Variants in DPY19L3 observed in about 807,000 individuals in gnomAD.
The protein encoded by DPY19L3 is dpy-19 like C-mannosyltransferase 3.
Under a neutral mutation model 92.3 loss-of-function variants are expected in DPY19L3, and 51 were observed. That is an observed-to-expected ratio of 0.55 (90% CI 0.44 to 0.70). DPY19L3 has a LOEUF of 0.70. DPY19L3 is among the 30% of genes least tolerant of loss of function. The pLI is 0.00. For missense variants in DPY19L3, 706 were observed against 855.9 expected, an observed-to-expected ratio of 0.82 and a Z score of 2.18; for synonymous variants, 309 against 315.2, an observed-to-expected ratio of 0.98 and a Z score of 0.21.
At chr19:32,477,188 T>C (rs1460050720) in intron 16 of DPY19L3, among the ~76,000 whole-genome samples, 2 of 152,120 alleles carry the variant, frequency 1.3e-5, no homozygotes, top group East Asian at 3.9e-4. Flanking sequence ...GACAATTCCT[T>C]ATAAAAGTAA....
intron 8 of DPY19L3, among the ~76,000 whole-genome samples, chr19:32,443,477 TGTTTCACCC>T (rs1346145584): frequency 1.3e-5 from 2 of 152,240 alleles, no homozygotes; most frequent in East Asian, 3.9e-4. Context: ...ACAAGGGAGC[TGTTTCACCC>T]CTTTCACCAT....
intron 12 of DPY19L3, 96 bp downstream of exon 12, chr19:32,458,605 A>G: frequency 1.6e-6 from 2 of 1,259,170 alleles, no homozygotes; most frequent in Non-Finnish European, 1.1e-6. Context: ...ATCAGACACA[A>G]GTAATAGTAT....
intron 16 of DPY19L3, among the ~76,000 whole-genome samples, chr19:32,476,927 T>A (rs1033148359): frequency 6.6e-6 from 1 of 152,312 alleles, no homozygotes. Flanking sequence ...TGGTGGTATC[T>A]GTGATTTTTT....
chr19:32,467,581 C>T (rs749876244), intron 15 of DPY19L3: 23 of 987,360 alleles, frequency 2.3e-5, no homozygotes, highest in Non-Finnish European at 2.7e-5. Context: ...GATGAGATGA[C>T]CAAAAAAACA....
intron 15 of DPY19L3, 30 bp downstream of exon 15, chr19:32,464,814 T>G: frequency 7.1e-7 from 1 of 1,415,608 alleles, no homozygotes; most frequent in Non-Finnish European, 9.6e-7. Context: ...TTCTTGTCAT[T>G]CATGTATTTA....
intron 3 of DPY19L3, among the ~76,000 whole-genome samples, chr19:32,423,785 C>T (rs901639683): frequency 2.6e-5 from 4 of 151,986 alleles, no homozygotes; most frequent in Admixed American, 1.3e-4. Flanking sequence ...GAGGCCAAGG[C>T]GGCAGGATCG....
At chr19:32,434,743 G>T (rs1308243710) in intron 4 of DPY19L3, among the ~76,000 whole-genome samples, 1 of 152,216 alleles carries the variant, frequency 6.6e-6, no homozygotes. Flanking sequence ...CACAATTCAG[G>T]AGGCTGGAAG....
chr19:32,454,544 A>C (rs975072478), intron 9 of DPY19L3, among the ~76,000 whole-genome samples: 10 of 152,316 alleles, frequency 6.6e-5, no homozygotes, highest in African/African-American at 2.2e-4. Flanking sequence ...GCTGCCCTCC[A>C]GCCTGGGCAG....
At position 32,483,648 on chromosome 19, in the gene DPY19L3, A is replaced by G. The variant is rs1970730704; in HGVS notation, c.*1408A>G. 2 of 152,250 alleles carry G rather than the reference A, an allele frequency of 1.3e-5. No homozygotes were observed. Among genetic ancestry groups the G allele is most frequent in the African/African-American group, 4.8e-5 (2 of 41,462 alleles). The allele number at this position is 152,250 out of a possible 1,614,324, so 9.4% of individuals were successfully genotyped here. A position where few individuals can be genotyped will look rare whatever the true frequency, so the allele number is the denominator to read the frequency against. ...AAGCAGCATTCAAAAAGTCTTTTAC[A>G]CTGTCATGTTGGACACAAGCAGACT... On this transcript the variant is annotated 3_prime_UTR_variant, in exon 19 of 19. Coordinates refer to ENST00000392250, the MANE Select transcript of DPY19L3 (RefSeq NM_001172774.2).
intron 3 of DPY19L3, among the ~76,000 whole-genome samples, chr19:32,424,470 C>CAA: frequency 6.9e-6 from 1 of 144,976 alleles, no homozygotes; most frequent in South Asian, 2.2e-4. Flanking sequence ...ACTAAAAATA[C>CAA]AAAAAAAAAA....
chr19:32,417,854 C>T (rs1364601992), intron 3 of DPY19L3, among the ~76,000 whole-genome samples: 1 of 152,090 alleles, frequency 6.6e-6, no homozygotes, highest in Non-Finnish European at 1.5e-5. Flanking sequence ...TAACCAGGGA[C>T]AGAGGTCAGC....
At chr19:32,448,743 C>G (rs1207692832) in intron 8 of DPY19L3, among the ~76,000 whole-genome samples, 3 of 152,052 alleles carry the variant, frequency 2.0e-5, no homozygotes, top group Non-Finnish European at 4.4e-5. Context: ...AGAAGAAAAT[C>G]TATGTATAAT....
intron 8 of DPY19L3, among the ~76,000 whole-genome samples, chr19:32,448,962 C>A (rs963288291): frequency 6.6e-6 from 1 of 152,156 alleles, no homozygotes; most frequent in Non-Finnish European, 1.5e-5. Flanking sequence ...TGTTGTTACA[C>A]AAACTGCCCC....
chr19:32,420,079 C>T (rs570609344), intron 3 of DPY19L3, among the ~76,000 whole-genome samples: 306 of 151,472 alleles, frequency 2.0e-3, no homozygotes, highest in Non-Finnish European at 3.7e-3. Flanking sequence ...AGGATGGTCT[C>T]GATCTCTTGA....
chr19:32,468,581 C>T, intron 15 of DPY19L3, 150 bp from the exon 16 acceptor site: 1 of 1,341,168 alleles, frequency 7.5e-7, no homozygotes, highest in Admixed American at 3.4e-5. Flanking sequence ...AGGAGGGTTG[C>T]TGCAGAGGTG....
intron 2 of DPY19L3, among the ~76,000 whole-genome samples, chr19:32,409,025 C>T (rs960153135): frequency 5.3e-5 from 8 of 152,140 alleles, no homozygotes. Context: ...TTATTTACAG[C>T]CATGTTAATT....
intron 8 of DPY19L3, among the ~76,000 whole-genome samples, chr19:32,441,832 G>T (rs545587326): frequency 9.9e-5 from 15 of 152,190 alleles, no homozygotes; most frequent in African/African-American, 3.6e-4. Context: ...GAAAGCAAAG[G>T]TACTGTTTTG....
intron 16 of DPY19L3, among the ~76,000 whole-genome samples, chr19:32,469,421 G>A (rs1261148355): frequency 2.6e-5 from 4 of 151,836 alleles, no homozygotes; most frequent in East Asian, 1.9e-4. Flanking sequence ...ACTTGAACTC[G>A]GGAGGTAGAG....
chr19:32,438,270 T>C (rs1018586917), intron 6 of DPY19L3, among the ~76,000 whole-genome samples: 4 of 152,128 alleles, frequency 2.6e-5, no homozygotes, highest in Admixed American at 6.5e-5. Context: ...GACAGTCCTG[T>C]TGGGGGTTTA....
Sources: gnomAD v4.1 joint callset for allele counts (sites outside exome capture counted in the v4.1 genomes callset) on GRCh38, gnomAD v4.1.1 for gene constraint, MANE v1.5 for transcripts, NCBI Gene and HGNC (gene_info 2026-07-23, HGNC 2026-07-21) for gene names.